The following GALNTL6 variants were observed in gnomAD, a reference collection of about 807,000 sequenced individuals.
The protein encoded by GALNTL6 is polypeptide N-acetylgalactosaminyltransferase-like 6.
GALNTL6 carries 46 observed loss-of-function variants against 73.7 expected under a neutral mutation model. That is an observed-to-expected ratio of 0.62 (90% CI 0.49 to 0.80). The LOEUF (loss-of-function observed/expected upper bound fraction) is 0.80, where lower values mean the gene tolerates loss of function less well. Among genes scored for constraint, GALNTL6 ranks in the 30% least tolerant of loss-of-function variants. The pLI is 0.00. For synonymous variants in GALNTL6, 259 were observed against 263.7 expected, an observed-to-expected ratio of 0.98 and a Z score of 0.17; for missense variants, 604 against 755.0, an observed-to-expected ratio of 0.80 and a Z score of 2.34.
intron 5 of GALNTL6, among the ~76,000 whole-genome samples, chr4:172,413,375 T>C (rs960972481): frequency 1.3e-5 from 2 of 152,226 alleles, no homozygotes; most frequent in Non-Finnish European, 2.9e-5. Context: ...AACATTGCCC[T>C]AGAGGCAATT....
At chr4:172,403,698 T>A (rs1744119074) in intron 5 of GALNTL6, among the ~76,000 whole-genome samples, 1 of 152,030 alleles carries the variant, frequency 6.6e-6, no homozygotes, top group South Asian at 2.1e-4. Flanking sequence ...TTACTTTTTT[T>A]AAGTTGCATG....
chr4:172,206,863 G>A (rs1311227806), intron 2 of GALNTL6, among the ~76,000 whole-genome samples: 1 of 121,174 alleles, frequency 8.3e-6, no homozygotes, highest in Non-Finnish European at 1.6e-5. Flanking sequence ...TGTCGCCCAG[G>A]CTGGAGTGCA....
At chr4:172,793,086 G>C (rs548191073) in intron 5 of GALNTL6, among the ~76,000 whole-genome samples, 3 of 152,236 alleles carry the variant, frequency 2.0e-5, no homozygotes, top group Admixed American at 2.0e-4. Context: ...ACTGCACCCT[G>C]TATTTCCAAT....
At chr4:172,745,299 A>G (rs1821862) in intron 5 of GALNTL6, among the ~76,000 whole-genome samples, 53,752 of 151,278 alleles carry the variant, frequency 0.36, 10,548 homozygotes, top group African/African-American at 0.51. Flanking sequence ...CTGCTGTGGG[A>G]TATAGAGAAA....
chr4:172,564,460 A>C (rs1579193585), intron 5 of GALNTL6, among the ~76,000 whole-genome samples: 1 of 152,274 alleles, frequency 6.6e-6, no homozygotes, highest in South Asian at 2.1e-4. Context: ...TGTGCCTCCA[A>C]TTTTTTCTGA....
rs201835999 is a variant in GALNTL6 at position 173,009,256 on chromosome 4, G to A, written c.1450G>A (p.Val484Ile). 1 of 1,613,932 alleles carries A rather than the reference G, an allele frequency of 6.2e-7. No homozygotes were observed. The highest frequency in any genetic ancestry group is 1.1e-5 in the South Asian group (1 of 91,078). Reference protein sequence around the residue: ...TGTELRLDICVKDGSERTWSH... With the variant: ...TGTELRLDICIKDGSERTWSH... ...AACAGAGCTGAGGCTGGACATCTGT[G>A]TCAAGGATGGTTCTGAAAGAACATG... Residue 484 changes from valine (V) to isoleucine (I), a missense_variant, in exon 11 of 13, where the codon GTC becomes ATC. Physicochemically the swap from Val to Ile is conservative, Grantham distance 29. This residue lies in a region of GALNTL6 where 261 missense variants were observed against 296.5 expected (regional missense o/e 0.88). Coordinates refer to ENST00000506823, the MANE Select transcript of GALNTL6 (RefSeq NM_001034845.3).
At chr4:172,272,536 C>A (rs879321721) in intron 3 of GALNTL6, among the ~76,000 whole-genome samples, 1 of 152,104 alleles carries the variant, frequency 6.6e-6, no homozygotes. Flanking sequence ...TGTCTAAACA[C>A]AGAAAAGCTA....
chr4:172,980,761 C>G (rs979094054), intron 10 of GALNTL6, among the ~76,000 whole-genome samples: 4 of 152,220 alleles, frequency 2.6e-5, no homozygotes, highest in Non-Finnish European at 4.4e-5. Context: ...TTCAAATACA[C>G]TTACATTGAC....
intron 2 of GALNTL6, among the ~76,000 whole-genome samples, chr4:172,170,578 G>A (rs1295992521): frequency 7.1e-6 from 1 of 140,954 alleles, no homozygotes; most frequent in Non-Finnish European, 1.5e-5. Context: ...GGTGTGATCT[G>A]TGCTCACTGC....
chr4:172,815,128 T>C (rs1161826670), intron 7 of GALNTL6, among the ~76,000 whole-genome samples: 1 of 152,148 alleles, frequency 6.6e-6, no homozygotes, highest in Non-Finnish European at 1.5e-5. Context: ...CTGAAAGTCT[T>C]GACAGAGGGG....
At position 172,243,884 on chromosome 4, in the gene GALNTL6, G is replaced by A. The variant is rs78843025; in HGVS notation, c.247+14120G>A. ...AAATGTGCACCATTTGGGTGAGACT[G>A]ACTATATTGCCTTCAGAAAGTAAAA... On this transcript the variant is annotated intron_variant, in intron 3 of 12. Coordinates refer to ENST00000506823, the MANE Select transcript of GALNTL6 (RefSeq NM_001034845.3). Among the ~76,000 whole-genome samples the A allele has an allele frequency of 4.3e-3, 651 of 152,214 alleles. 7 individuals carry two copies. Among genetic ancestry groups the A allele is most frequent in the African/African-American group, 0.015 (625 of 41,540 alleles).
At chr4:173,034,982 T>C (rs549198852) in intron 12 of GALNTL6, among the ~76,000 whole-genome samples, 1 of 152,174 alleles carries the variant, frequency 6.6e-6, no homozygotes, top group South Asian at 2.1e-4. Flanking sequence ...CATAAGTATA[T>C]ATATTATTTT....
intron 2 of GALNTL6, among the ~76,000 whole-genome samples, chr4:172,048,247 T>C (rs150765016): frequency 6.6e-6 from 1 of 152,100 alleles, no homozygotes; most frequent in Non-Finnish European, 1.5e-5. Context: ...CCCATTACTA[T>C]GCTAATGTTT....
At chr4:172,343,125 T>C (rs775947182) in intron 4 of GALNTL6, among the ~76,000 whole-genome samples, 11 of 152,128 alleles carry the variant, frequency 7.2e-5, no homozygotes, top group Non-Finnish European at 1.2e-4. Context: ...TGACTATTGT[T>C]ATAAGTAAAA....
chr4:172,823,400 C>T (rs1246691024), intron 7 of GALNTL6, among the ~76,000 whole-genome samples: 1 of 152,216 alleles, frequency 6.6e-6, no homozygotes. Context: ...GGGCAGGGAG[C>T]TCTGCTTTCT....
intron 5 of GALNTL6, among the ~76,000 whole-genome samples, chr4:172,691,742 T>A (rs901763144): frequency 1.3e-5 from 2 of 152,216 alleles, no homozygotes; most frequent in African/African-American, 4.8e-5. Flanking sequence ...CTAGGTCACA[T>A]ACACTTACCA....
intron 2 of GALNTL6, among the ~76,000 whole-genome samples, chr4:172,104,686 A>G (rs1277096489): frequency 6.6e-6 from 1 of 152,178 alleles, no homozygotes; most frequent in African/African-American, 2.4e-5. Flanking sequence ...TATCCTATAA[A>G]TATTTGCATA....
intron 2 of GALNTL6, among the ~76,000 whole-genome samples, chr4:172,044,608 T>C (rs1423755623): frequency 6.6e-6 from 1 of 152,014 alleles, no homozygotes; most frequent in Non-Finnish European, 1.5e-5. Context: ...TGTATTCTAA[T>C]ATATGCCTGT....
intron 6 of GALNTL6, 104 bp from the exon 7 acceptor site, chr4:172,813,436 C>T: frequency 1.1e-6 from 1 of 872,294 alleles, no homozygotes; most frequent in Non-Finnish European, 1.7e-6. Context: ...GCCACGGCTG[C>T]AAGCATTATG....
Sources: gnomAD v4.1 joint callset for allele counts (sites outside exome capture counted in the v4.1 genomes callset) on GRCh38, gnomAD v4.1.1 for gene constraint, gnomAD v4.1.1 regional missense constraint, MANE v1.5 for transcripts, NCBI Gene and HGNC (gene_info 2026-07-23, HGNC 2026-07-21) for gene names.